KLHDC1: variants seen among roughly 807,000 people sequenced by gnomAD.
The protein encoded by KLHDC1 is kelch domain-containing protein 1.
Under a neutral mutation model 68.3 loss-of-function variants are expected in KLHDC1, and 53 were observed. The observed-to-expected ratio is 0.78, with a 90% CI of 0.62 to 0.98. KLHDC1 has a LOEUF of 0.98. KLHDC1 is among the 50% of genes least tolerant of loss of function. The pLI is 0.00. For missense variants in KLHDC1, 470 were observed against 492.3 expected (o/e 0.95, Z 0.43); for synonymous variants, 148 against 159.0 (o/e 0.93, Z 0.52).
At chr14:49,726,042 T>C (rs1333819646) in intron 6 of KLHDC1, among the ~76,000 whole-genome samples, 1 of 152,102 alleles carries the variant, frequency 6.6e-6, no homozygotes, top group Non-Finnish European at 1.5e-5. Context: ...GAGACGGAAT[T>C]TTGCCATGTT....
rs766510107 is a variant in KLHDC1 at position 49,728,958 on chromosome 14, T to A, written c.600T>A (p.His200Gln). 4 of 1,613,890 alleles carry A rather than the reference T, an allele frequency of 2.5e-6. No homozygotes were observed. In the South Asian group the frequency reaches 4.4e-5, roughly 18 times the overall value. ...TTCCACCACAGCCACGAGCCGCGCA[T>A]ACATGTGCAGTTCTTGGAAATAAGG... ...GGVPPQPRAA[H>Q]TCAVLGNKGY... is the part of the protein sequence containing the mutation. The change falls in exon 7 of 13, where the codon CAT becomes CAA. Residue 200 changes from histidine (H) to glutamine (Q), a missense_variant. His to Gln is a conservative substitution (Grantham distance 24). Transcript: ENST00000359332.
At chr14:49,706,257 A>G (rs992961333) in intron 1 of KLHDC1, among the ~76,000 whole-genome samples, 175 of 152,238 alleles carry the variant, frequency 1.1e-3, no homozygotes, top group Non-Finnish European at 1.0e-4. Flanking sequence ...TGTCTGGCTT[A>G]CTTCATTTAG....
intron 12 of KLHDC1, among the ~76,000 whole-genome samples, chr14:49,745,702 A>T (rs538816347): frequency 6.6e-6 from 1 of 152,336 alleles, no homozygotes; most frequent in African/African-American, 2.4e-5. Flanking sequence ...TAGTGTAAAG[A>T]TATATACAAA....
chr14:49,744,358 T>G (rs1889142593), intron 12 of KLHDC1, among the ~76,000 whole-genome samples: 1 of 152,190 alleles, frequency 6.6e-6, no homozygotes. Context: ...CTGTTTTGTT[T>G]GTAAAATTGC....
intron 4 of KLHDC1, among the ~76,000 whole-genome samples, chr14:49,710,727 C>T (rs552901085): frequency 4.6e-5 from 7 of 152,256 alleles, no homozygotes; most frequent in Admixed American, 2.0e-4. Flanking sequence ...ATTCCTTCAA[C>T]GCTAGTTTTT....
In KLHDC1 at chr14:49,716,483, A is replaced by G. The variant is rs147518294; in HGVS notation, c.404+6102A>G. Among the ~76,000 whole-genome samples the G allele has an allele frequency of 4.6e-3, 697 of 151,856 alleles. 6 individuals carry two copies. The highest frequency in any genetic ancestry group is 0.016 in the African/African-American group (672 of 41,384). ...ACTGCAACCTCCACCTCCCTGGTTCAAGGGATTCTCCTGCTTCAGCCTCCC... is the reference window on the plus strand; with the variant it reads ...ACTGCAACCTCCACCTCCCTGGTTCGAGGGATTCTCCTGCTTCAGCCTCCC... On this transcript the variant is annotated intron_variant, in intron 4 of 12. Transcript: ENST00000359332.
At chr14:49,700,122 G>T (rs533286075) in intron 1 of KLHDC1, 1 of 284,150 alleles carries the variant, frequency 3.5e-6, no homozygotes, top group East Asian at 1.5e-4. Flanking sequence ...CGCCTCCCAG[G>T]TTCAACCAAT....
At position 49,713,851 on chromosome 14, in the gene KLHDC1, T is replaced by TA. The variant is rs1390464741; in HGVS notation, c.404+3470_404+3471insA. ...ATATATATATATATATATATATATA[T>TA]TTTTTTTTTTTTTTTTCCTGAGACA... On this transcript the variant is annotated intron_variant, in intron 4 of 12. Transcript: ENST00000359332. Among the ~76,000 whole-genome samples the TA allele has an allele frequency of 5.9e-4, 15 of 25,628 alleles. 1 individual carries two copies. In the East Asian group the frequency reaches 0.014, roughly 25 times the overall value. The allele number at this position is 25,628 out of a possible 152,430, so 16.8% of individuals were successfully genotyped here.
chr14:49,702,128 A>G (rs1276021694), intron 1 of KLHDC1, among the ~76,000 whole-genome samples: 1 of 150,528 alleles, frequency 6.6e-6, no homozygotes, highest in Non-Finnish European at 1.5e-5. Flanking sequence ...AGATCACACC[A>G]TTGCATTCCA....
chr14:49,704,021 G>T (rs1190682057), intron 1 of KLHDC1, among the ~76,000 whole-genome samples: 1 of 152,132 alleles, frequency 6.6e-6, no homozygotes, highest in African/African-American at 2.4e-5. Context: ...AAATTATTTG[G>T]AAATGTCAGA....
At chr14:49,722,286 C>T (rs1888547776) in intron 4 of KLHDC1, among the ~76,000 whole-genome samples, 1 of 152,182 alleles carries the variant, frequency 6.6e-6, no homozygotes, top group South Asian at 2.1e-4. Flanking sequence ...CCATGACAGG[C>T]CCCGGTGTGT....
intron 1 of KLHDC1, among the ~76,000 whole-genome samples, chr14:49,693,876 C>G (rs540515267): frequency 9.4e-4 from 142 of 151,200 alleles, no homozygotes; most frequent in Non-Finnish European, 1.8e-3. Flanking sequence ...GCCTCAGCCT[C>G]CCTAGTAGCT....
At chr14:49,693,748 C>CTTTTTTTTTCTTTTTTTTTTTT (rs1887646287) in intron 1 of KLHDC1, among the ~76,000 whole-genome samples, 1 of 61,540 alleles carries the variant, frequency 1.6e-5, no homozygotes, top group Non-Finnish European at 3.4e-5. Context: ...TTTTCTTTTT[C>CTTTTTTTTTCTTTTTTTTTTTT]TTTTTTTTTT....
intron 4 of KLHDC1, among the ~76,000 whole-genome samples, chr14:49,712,649 G>C (rs992050200): frequency 6.7e-6 from 1 of 150,298 alleles, no homozygotes; most frequent in African/African-American, 2.4e-5. Flanking sequence ...CTACAGGCAT[G>C]TGCCACCATG....
In KLHDC1 at chr14:49,729,562, C is replaced by T; in HGVS notation, c.710+14C>T. On this transcript the variant is annotated intron_variant, in intron 8 of 12. Transcript: ENST00000359332. ...TTGGTCTGGAAGGTAAGTTTGAAGT[C>T]TAAGTACGTTTTAATCTATAGGCAT... is the stretch of plus-strand genomic sequence containing the variant. 1 of 1,564,152 alleles carries T rather than the reference C, an allele frequency of 6.4e-7. No homozygotes were observed. The highest frequency in any genetic ancestry group is 8.8e-7 in the Non-Finnish European group (1 of 1,135,558).
At chr14:49,705,104 G>A (rs886826524) in intron 1 of KLHDC1, among the ~76,000 whole-genome samples, 11 of 152,098 alleles carry the variant, frequency 7.2e-5, no homozygotes, top group African/African-American at 9.7e-5. Context: ...TCCCAAAAAA[G>A]GAGGAGTTAG....
At chr14:49,713,838 A>T (rs1424779466) in intron 4 of KLHDC1, among the ~76,000 whole-genome samples, 2,823 of 6,046 alleles carry the variant, frequency 0.47, 676 homozygotes, top group East Asian at 0.67. Flanking sequence ...ATATATATAT[A>T]TATATATATA....
Position 49,729,511 on chromosome 14 carries a change from CA to C in KLHDC1, c.674del (p.His225ProfsTer3). On this transcript the variant is annotated frameshift_variant, in exon 8 of 13. Transcript: ENST00000359332. LOFTEE classifies it high-confidence loss of function. ...RVLQTRMNDL[H>X]YLNLDTWTWS... The stretch of plus-strand genomic sequence containing the variant: ...TTAGCAAACTAGGATGAATGATTTG[CA>C]CTATCTAAACCTAGACACCTGGACT... 1 of 1,610,418 alleles carries C rather than the reference CA, an allele frequency of 6.2e-7. No individual in the cohort carries two copies. The highest frequency in any genetic ancestry group is 8.5e-7 in the Non-Finnish European group (1 of 1,176,984).
intron 9 of KLHDC1, among the ~76,000 whole-genome samples, chr14:49,733,336 G>A (rs1039457845): frequency 3.3e-5 from 5 of 152,068 alleles, no homozygotes; most frequent in Non-Finnish European, 7.4e-5. Context: ...TTTTCTTTCA[G>A]CAGTAGAACT....
Sources: allele counts gnomAD v4.1 joint callset (sites outside exome capture counted in the v4.1 genomes callset), GRCh38; gene constraint gnomAD v4.1.1; transcripts MANE v1.5; gene names NCBI Gene and HGNC (gene_info 2026-07-23, HGNC 2026-07-21).